FADS2: variants seen among roughly 807,000 people sequenced by gnomAD.
FADS2 encodes the protein fatty acid desaturase 2, also known as acyl-CoA 6-desaturase.
A neutral mutation model predicts 61.2 loss-of-function variants in FADS2; 18 were observed. The ratio of observed to expected loss-of-function variants is 0.29; its 90% CI spans 0.20 to 0.44. The LOEUF (loss-of-function observed/expected upper bound fraction) is 0.44. FADS2 is among the 20% of genes least tolerant of loss of function. The pLI is 1.00. For synonymous variants in FADS2, 203 were observed against 223.9 expected, an observed-to-expected ratio of 0.91 and a Z score of 0.83; for missense variants, 322 against 572.7, an observed-to-expected ratio of 0.56 and a Z score of 4.47.
intron 4 of FADS2, chr11:61,847,869 C>G (rs952213507): frequency 2.6e-6 from 1 of 386,586 alleles, no homozygotes; most frequent in African/African-American, 2.1e-5. Context: ...GCTGCCACAC[C>G]TGCTGGAGCG....
rs1377510023 is a variant in FADS2, at chr11:61,865,814, T to A, written c.*125T>A. The stretch of plus-strand genomic sequence containing the variant: ...TATGCACTGCTCACGGACCCCATGT[T>A]GGATCTTTCTCCCTTTCTCCTCTCC... On this transcript the variant is annotated 3_prime_UTR_variant, in exon 12 of 12. Transcript: ENST00000278840. This position sits in a 1 kb window ranked among gnomAD's most constrained non-coding sequence, Gnocchi z 4.1. 1.3e-6 allele frequency: 1 copy of A among 756,056 alleles called. No homozygotes were observed. Among genetic ancestry groups the A allele is most frequent in the Non-Finnish European group, 2.2e-6 (1 of 447,832 alleles). 46.8% of individuals were successfully genotyped at this position (756,056 alleles called of 1,614,324 possible).
intron 1 of FADS2, among the ~76,000 whole-genome samples, chr11:61,834,307 GAA>G (rs1406450199): frequency 6.6e-6 from 1 of 152,218 alleles, no homozygotes. Context: ...TGGCACGTGA[GAA>G]AAGAGTCCTT....
intron 7 of FADS2, among the ~76,000 whole-genome samples, chr11:61,858,830 G>T (rs1276990359): frequency 6.6e-6 from 1 of 152,122 alleles, no homozygotes; most frequent in Admixed American, 6.5e-5. Context: ...TGATCCACCC[G>T]CCTTGGCCTC....
rs976681366 is a variant in FADS2 at position 61,865,446 on chromosome 11, G to T, written c.1283+169G>T. On this transcript the variant is annotated intron_variant, in intron 11 of 11. Transcript: ENST00000278840. The surrounding 1 kb of genome is among the most constrained non-coding windows in gnomAD (Gnocchi z 4.1). ...GGCTTTTCTCCCTGGGCTGCGAGAA[G>T]ACCATCCCTTTCTGTGTGGGGTTCC... The T allele has an allele frequency of 6.1e-6, 6 of 981,918 alleles. No homozygotes were observed. Among genetic ancestry groups the T allele is most frequent in the African/African-American group, 3.3e-5 (2 of 61,284 alleles). The allele number at this position is 981,918 out of a possible 1,614,324, so 60.8% of individuals were successfully genotyped here.
chr11:61,848,149 C>T lies in FADS2; in HGVS notation c.619-10C>T. On this transcript the variant is annotated splice_polypyrimidine_tract_variant and intron_variant, in intron 4 of 11. Coordinates refer to ENST00000278840, the MANE Select transcript of FADS2 (RefSeq NM_004265.4). ...TTGCATGGCTCATCCCCACCCCTCT[C>T]TCCCCACAGGGTGCCTCTGCCAACT... 1 of 1,614,140 alleles carries T rather than the reference C, an allele frequency of 6.2e-7. No individual in the cohort carries two copies. Among genetic ancestry groups the T allele is most frequent in the Non-Finnish European group, 8.5e-7 (1 of 1,179,982 alleles).
chr11:61,858,462 A>G (rs1197417394), intron 7 of FADS2, among the ~76,000 whole-genome samples: 1 of 152,112 alleles, frequency 6.6e-6, no homozygotes, highest in Non-Finnish European at 1.5e-5. Context: ...TACAGGCATG[A>G]GCCACCACGC....
rs1332632387 is a variant in FADS2, at chr11:61,866,149, AC to A, written c.*463del. On this transcript the variant is annotated 3_prime_UTR_variant, in exon 12 of 12. Coordinates refer to ENST00000278840, the MANE Select transcript of FADS2 (RefSeq NM_004265.4). Reference sequence around the variant, plus strand: ...AGGTCCTAGTCGGGCAGGGCCCCTGACCCTCCCGGCCTGGCTTCACTCTCCC... The same window carrying A: ...AGGTCCTAGTCGGGCAGGGCCCCTGACCTCCCGGCCTGGCTTCACTCTCCC... 2 of 397,770 alleles carry A rather than the reference AC, an allele frequency of 5.0e-6. No individual in the cohort carries two copies. The highest frequency in any genetic ancestry group is 2.1e-5 in the African/African-American group (1 of 48,328). 24.6% of individuals were successfully genotyped at this position (397,770 alleles called of 1,614,324 possible). A position where few individuals can be genotyped will look rare whatever the true frequency, so the allele number is the denominator to read the frequency against.
chr11:61,824,429 AGAGAGGGAGGGAGGGAGGGAGGGAGGGAG>A (rs2067056783), upstream of FADS2, among the ~76,000 whole-genome samples: 3 of 7,528 alleles, frequency 4.0e-4, no homozygotes, highest in Non-Finnish European at 1.1e-3. Flanking sequence ...AGAGAGAGAG[AGAGAGGGAGGGAGGGAGGGAGGGAGGGAG>A]GGAGAGAGAG....
In FADS2 at chr11:61,816,636, C is replaced by T. The variant is rs754132658; in HGVS notation, c.141+210C>T. The T allele has an allele frequency of 6.2e-7, 1 of 1,604,398 alleles. No individual in the cohort carries two copies. The highest frequency in any genetic ancestry group is 2.3e-5 in the East Asian group (1 of 44,304). On this transcript the variant is annotated intron_variant, in intron 1 of 11. Coordinates refer to the FADS2 transcript ENST00000257261. This position sits in a 1 kb window ranked among gnomAD's most constrained non-coding sequence, Gnocchi z 7.0. ...GGGTGAACTCGCTGATGTTGTACAC[C>T]TTACGGTCGATCACTAGCCACCGCT...
At chr11:61,817,090 C>A in intron 1 of FADS2, 1 of 795,030 alleles carries the variant, frequency 1.3e-6, no homozygotes, top group Non-Finnish European at 1.8e-6. Flanking sequence ...CGTTGGCTCC[C>A]AGGGGGCGCC....
At position 61,828,612 on chromosome 11, in the gene FADS2, G is replaced by A. The variant is rs1327672843; in HGVS notation, c.207+15G>A. On this transcript the variant is annotated intron_variant, in intron 1 of 11. Coordinates refer to ENST00000278840, the MANE Select transcript of FADS2 (RefSeq NM_004265.4). This position sits in a 1 kb window ranked among gnomAD's most constrained non-coding sequence, Gnocchi z 6.4. ...AAGATGCAACGGTAAGGGTCTGGGG[G>A]CGCCCCAGCCACCCTTCTCTGCTGC... is the stretch of plus-strand genomic sequence containing the variant. 2 of 1,604,992 alleles carry A rather than the reference G, an allele frequency of 1.2e-6. No homozygotes were observed. The highest frequency in any genetic ancestry group is 2.7e-5 in the African/African-American group (2 of 74,776).
chr11:61,824,834 G>C (rs2067069714), upstream of FADS2, among the ~76,000 whole-genome samples: 2 of 152,178 alleles, frequency 1.3e-5, no homozygotes. Context: ...ATTTCTGCTA[G>C]CGTAGCTTAG....
intron 5 of FADS2, among the ~76,000 whole-genome samples, chr11:61,851,492 G>A (rs553373789): frequency 5.9e-5 from 9 of 152,354 alleles, no homozygotes; most frequent in African/African-American, 1.9e-4. Context: ...CACACTCATG[G>A]GGAAAGGATT....
intron 2 of FADS2, 128 bp downstream of exon 2, chr11:61,838,016 A>G: frequency 1.4e-6 from 1 of 695,720 alleles, no homozygotes; most frequent in Non-Finnish European, 2.5e-6. Context: ...GTCCTGGAGG[A>G]GCCACTGTGG....
At chr11:61,863,199 C>A in intron 8 of FADS2, 83 bp from the exon 9 acceptor site, 4 of 1,444,708 alleles carry the variant, frequency 2.8e-6, no homozygotes, top group South Asian at 1.1e-5. Context: ...CAGGGGCTGT[C>A]CTGGGCTGGT....
Position 61,865,046 on chromosome 11 carries a change from A to G in FADS2, c.1158-106A>G, listed in dbSNP as rs1218064464. ...TTTGAGACTGGTCCTGGCTGTGGAC[A>G]GGGTCTCTGAGGGCCCCAGCCAGCC... On this transcript the variant is annotated intron_variant, in intron 10 of 11. Coordinates refer to ENST00000278840, the MANE Select transcript of FADS2 (RefSeq NM_004265.4). This position sits in a 1 kb window ranked among gnomAD's most constrained non-coding sequence, Gnocchi z 4.1. 6.0e-6 allele frequency: 8 copies of G among 1,335,794 alleles called. No individual in the cohort carries two copies. The highest frequency in any genetic ancestry group is 8.3e-6 in the Non-Finnish European group (8 of 969,218). The allele number at this position is 1,335,794 out of a possible 1,614,324, so 82.7% of individuals were successfully genotyped here.
At chr11:61,858,183 TTTTG>T (rs1383442314) in intron 7 of FADS2, among the ~76,000 whole-genome samples, 7 of 152,166 alleles carry the variant, frequency 4.6e-5, no homozygotes, top group Admixed American at 1.3e-4. Flanking sequence ...AAAAAAATTA[TTTTG>T]TTTATTTGTT....
rs559429918 is a variant in FADS2 at position 61,845,662 on chromosome 11, G to A, written c.619-2497G>A. On this transcript the variant is annotated intron_variant, in intron 4 of 11. Transcript: ENST00000278840. The stretch of plus-strand genomic sequence containing the variant: ...ATAAAAATTAGCCGGGCATGGTGGC[G>A]GGCGCCTATAATCTCAGCTACTCGG... Among the ~76,000 whole-genome samples, 7 of 152,048 alleles carry A rather than the reference G, an allele frequency of 4.6e-5. No individual in the cohort carries two copies. The South Asian group carries it at 6.2e-4, about 14-fold the overall frequency.
At chr11:61,857,931 G>A (rs1031806045) in intron 7 of FADS2, among the ~76,000 whole-genome samples, 31 of 152,236 alleles carry the variant, frequency 2.0e-4, no homozygotes, top group East Asian at 5.8e-4. Context: ...AGGTGTGGTC[G>A]TTTGCGAAGA....
Sources: allele counts gnomAD v4.1 joint callset (sites outside exome capture counted in the v4.1 genomes callset), GRCh38; gene constraint gnomAD v4.1.1; non-coding constraint Gnocchi (gnomAD v3.1); transcripts MANE v1.5; gene names NCBI Gene and HGNC (gene_info 2026-07-23, HGNC 2026-07-21).